The following GNAQ variants were observed in gnomAD, a reference collection of about 807,000 sequenced individuals.
The protein encoded by GNAQ is G protein subunit alpha q.
A neutral mutation model predicts 43.9 loss-of-function variants in GNAQ; 8 were observed. That is an observed-to-expected ratio of 0.18 (90% CI 0.11 to 0.33). GNAQ has a LOEUF of 0.33. Ranked by LOEUF, GNAQ falls within the 10% of genes least tolerant of loss-of-function variation. GNAQ has a pLI of 1.00. For missense variants in GNAQ, 158 were observed against 450.8 expected (o/e 0.35, Z 5.88); for synonymous variants, 155 against 170.7 (o/e 0.91, Z 0.71).
At chr9:78,012,139 C>G (rs1385466262) in intron 1 of GNAQ, among the ~76,000 whole-genome samples, 1 of 152,058 alleles carries the variant, frequency 6.6e-6, no homozygotes, top group South Asian at 2.1e-4. Flanking sequence ...GAAAAATCTA[C>G]TACGTGGCAA....
rs1825279673 is a variant in GNAQ at position 77,719,677 on chromosome 9, T to C, written c.*1646A>G. The C allele has an allele frequency of 8.6e-6, 2 of 232,756 alleles. No homozygotes were observed. The highest frequency in any genetic ancestry group is 3.6e-4 in the South Asian group (2 of 5,512). The allele number at this position is 232,756 out of a possible 1,614,324, so 14.4% of individuals were successfully genotyped here. On this transcript the variant is annotated 3_prime_UTR_variant, in exon 7 of 7. Coordinates refer to ENST00000286548, the MANE Select transcript of GNAQ (RefSeq NM_002072.5). The stretch of plus-strand genomic sequence containing the variant: ...AGCAGCTTTGAACAATCATGATTTA[T>C]TTTCTTAAATCAAATTTCAACTCAA...
At chr9:77,945,590 A>G in intron 1 of GNAQ, among the ~76,000 whole-genome samples, 1 of 152,200 alleles carries the variant, frequency 6.6e-6, no homozygotes, top group Admixed American at 6.5e-5. Flanking sequence ...CTACATACTC[A>G]CGGATGAAAA....
At chr9:77,871,387 G>A (rs867603705) in intron 2 of GNAQ, among the ~76,000 whole-genome samples, 20 of 152,132 alleles carry the variant, frequency 1.3e-4, no homozygotes, top group Non-Finnish European at 2.1e-4. Flanking sequence ...AGTCTACTCA[G>A]GTGAGACAGA....
chr9:77,762,027 G>C (rs1228128900), intron 5 of GNAQ, among the ~76,000 whole-genome samples: 3 of 138,170 alleles, frequency 2.2e-5, no homozygotes, highest in African/African-American at 8.1e-5. Context: ...CTCCTGGGAA[G>C]TGAGGAGCCC....
intron 1 of GNAQ, among the ~76,000 whole-genome samples, chr9:78,029,467 T>C (rs1183968969): frequency 2.8e-5 from 4 of 143,118 alleles, no homozygotes; most frequent in African/African-American, 1.0e-4. Context: ...AAAATGAGAA[T>C]TAAAAAAAAA....
chr9:77,911,554 T>C (rs952264897), intron 2 of GNAQ, among the ~76,000 whole-genome samples: 1 of 152,194 alleles, frequency 6.6e-6, no homozygotes, highest in African/African-American at 2.4e-5. Context: ...TTAACTCTCA[T>C]ATTGAGCCAC....
At chr9:78,007,364 C>T (rs1371916712) in intron 1 of GNAQ, among the ~76,000 whole-genome samples, 6 of 148,596 alleles carry the variant, frequency 4.0e-5, no homozygotes, top group Non-Finnish European at 7.4e-5. Flanking sequence ...AATTTCATAA[C>T]CACAGATTCT....
intron 2 of GNAQ, among the ~76,000 whole-genome samples, chr9:77,841,289 T>C (rs747637830): frequency 3.3e-5 from 5 of 152,122 alleles, no homozygotes; most frequent in Admixed American, 6.5e-5. Flanking sequence ...GCAGTAAAAA[T>C]AGACATTGGA....
intron 5 of GNAQ, among the ~76,000 whole-genome samples, chr9:77,783,530 T>G (rs1826429626): frequency 1.3e-5 from 2 of 152,290 alleles, no homozygotes; most frequent in African/African-American, 4.8e-5. Context: ...TCATCTTTCC[T>G]TCTCACGTTG....
At chr9:77,726,590 G>A (rs1305024628) in intron 6 of GNAQ, among the ~76,000 whole-genome samples, 6 of 152,132 alleles carry the variant, frequency 3.9e-5, no homozygotes. Context: ...ACTTTTCTGA[G>A]GAAGCTTTTA....
intron 1 of GNAQ, among the ~76,000 whole-genome samples, chr9:78,006,201 T>G (rs1823704223): frequency 6.6e-6 from 1 of 152,216 alleles, no homozygotes; most frequent in Non-Finnish European, 1.5e-5. Flanking sequence ...ATACATGCAA[T>G]TTGTTCTAAT....
intron 2 of GNAQ, among the ~76,000 whole-genome samples, chr9:77,816,895 GCC>G (rs1168948491): frequency 3.3e-5 from 5 of 152,126 alleles, no homozygotes; most frequent in African/African-American, 1.2e-4. Flanking sequence ...AGGGCCCCAT[GCC>G]AATAGACTAA....
intron 1 of GNAQ, among the ~76,000 whole-genome samples, chr9:78,020,872 G>A (rs1233526297): frequency 6.6e-6 from 1 of 152,136 alleles, no homozygotes; most frequent in Non-Finnish European, 1.5e-5. Flanking sequence ...TTGATGAGGA[G>A]AAGGCCCTGG....
Position 77,853,100 on chromosome 9 carries a change from C to G in GNAQ, c.322-37330G>C, listed in dbSNP as rs371266357. Among the ~76,000 whole-genome samples, 61 of 152,192 alleles carry G rather than the reference C, an allele frequency of 4.0e-4. 1 individual carries two copies. The highest frequency in any genetic ancestry group is 1.4e-3 in the African/African-American group (58 of 41,526). On this transcript the variant is annotated intron_variant, in intron 2 of 6. Transcript: ENST00000286548. The stretch of plus-strand genomic sequence containing the variant: ...AGATAAAAGTGGGTAAGAATTGTTA[C>G]CAACCAAACTATGATAACGGGAAGA...
intron 2 of GNAQ, among the ~76,000 whole-genome samples, chr9:77,828,404 T>C (rs1827240844): frequency 6.6e-6 from 1 of 152,144 alleles, no homozygotes; most frequent in African/African-American, 2.4e-5. Flanking sequence ...AATGGATGTG[T>C]ATGTAGTAGG....
At chr9:77,832,347 T>C (rs1422386844) in intron 2 of GNAQ, among the ~76,000 whole-genome samples, 1 of 152,204 alleles carries the variant, frequency 6.6e-6, no homozygotes, top group Admixed American at 6.5e-5. Flanking sequence ...TTGAATGTTA[T>C]GATACAAAGT....
At chr9:77,757,713 G>C (rs144042520) in intron 5 of GNAQ, among the ~76,000 whole-genome samples, 67 of 152,230 alleles carry the variant, frequency 4.4e-4, no homozygotes, top group African/African-American at 1.4e-3. Context: ...TAACTTTCTG[G>C]CTTCCAATAG....
At chr9:77,817,459 A>G (rs1827037363) in intron 2 of GNAQ, among the ~76,000 whole-genome samples, 1 of 152,170 alleles carries the variant, frequency 6.6e-6, no homozygotes, top group Admixed American at 6.5e-5. Flanking sequence ...GAACTGAACT[A>G]CACTAGAAAT....
chr9:77,725,554 T>C (rs1825384036), intron 6 of GNAQ, among the ~76,000 whole-genome samples: 1 of 128,922 alleles, frequency 7.8e-6, no homozygotes, highest in Non-Finnish European at 1.6e-5. Flanking sequence ...CTGTGCATTA[T>C]ATGTATACTG....
Sources: gnomAD v4.1 joint callset for allele counts (sites outside exome capture counted in the v4.1 genomes callset) on GRCh38, gnomAD v4.1.1 for gene constraint, MANE v1.5 for transcripts, NCBI Gene and HGNC (gene_info 2026-07-23, HGNC 2026-07-21) for gene names.